The following ZNRF1 variants were observed in gnomAD, a reference collection of about 807,000 sequenced individuals.
The protein encoded by ZNRF1 is E3 ubiquitin-protein ligase ZNRF1.
In ZNRF1, 3 loss-of-function variants were observed where a neutral mutation model predicts 18.4. That is an observed-to-expected ratio of 0.16 (90% CI 0.07 to 0.42). The LOEUF is 0.42. Ranked by LOEUF, ZNRF1 falls within the 10% of genes least tolerant of loss-of-function variation. The probability of loss-of-function intolerance (pLI) is 0.99; values close to 1 mark genes in which losing one functional copy is unlikely to be tolerated. For synonymous variants in ZNRF1, 157 were observed against 144.2 expected (o/e 1.09, Z -0.64); for missense variants, 310 against 329.8 (o/e 0.94, Z 0.47).
At chr16:75,052,481 G>C (rs1028221454) in intron 1 of ZNRF1, among the ~76,000 whole-genome samples, 1 of 151,956 alleles carries the variant, frequency 6.6e-6, no homozygotes. Flanking sequence ...ACTCATAGTT[G>C]GGTCCAAACA....
intron 1 of ZNRF1, among the ~76,000 whole-genome samples, chr16:75,061,045 A>G (rs1306304138): frequency 6.6e-6 from 1 of 152,202 alleles, no homozygotes; most frequent in Non-Finnish European, 1.5e-5. Flanking sequence ...GTAGGTATGC[A>G]TTTTTATGGG....
At chr16:75,013,562 G>T (rs2035027588) in intron 1 of ZNRF1, among the ~76,000 whole-genome samples, 2 of 152,144 alleles carry the variant, frequency 1.3e-5, no homozygotes, top group South Asian at 4.1e-4. Flanking sequence ...AGCCAGGATG[G>T]TCTCAATCTG....
intron 1 of ZNRF1, among the ~76,000 whole-genome samples, chr16:75,039,320 TA>T (rs1376513568): frequency 1.3e-5 from 2 of 152,168 alleles, no homozygotes; most frequent in East Asian, 3.8e-4. Flanking sequence ...ATACTGTGAA[TA>T]AATATAAGTT....
At chr16:75,006,399 C>A (rs2034917419) in intron 1 of ZNRF1, among the ~76,000 whole-genome samples, 1 of 152,064 alleles carries the variant, frequency 6.6e-6, no homozygotes, top group Non-Finnish European at 1.5e-5. Context: ...TTGAAGTTAG[C>A]CCAAAACCTA....
At position 74,999,920 on chromosome 16, in the gene ZNRF1, G is replaced by C. The variant is rs372810320; in HGVS notation, c.249G>C (p.Glu83Asp). The stretch of plus-strand genomic sequence containing the variant: ...CCTCCCGGGGCACCGGCGACTCCGA[G>C]AGGGCGCCCGGCGGCGGAGGGTCTG... ...TPASRGTGDS[E>D]RAPGGGGSAS... The change falls in exon 1 of 5, where the codon GAG (glutamate) becomes GAC (aspartate). Residue 83 changes from glutamate (E) to aspartate (D), a missense_variant. Coordinates refer to ENST00000335325, the MANE Select transcript of ZNRF1 (RefSeq NM_032268.5). 212 of 1,557,396 alleles carry C rather than the reference G, an allele frequency of 1.4e-4. No homozygotes were observed. The highest frequency in any genetic ancestry group is 3.5e-5 in the Non-Finnish European group (40 of 1,153,112).
Position 74,999,863 on chromosome 16 carries a change from C to G in ZNRF1, c.192C>G (p.Ala64=), listed in dbSNP as rs2034815470. Residue 64 remains alanine (A), a synonymous_variant, in exon 1 of 5, where the codon GCC becomes GCG. Transcript: ENST00000335325. ...GCATGGGCATGGACCCCAGCACGGC[C>G]GGGGGGGTGCCCTTTGGCCTCTACA... The part of the protein sequence containing the change: ...VAGMGMDPST[A]GGVPFGLYTP... 1 of 1,517,336 alleles carries G rather than the reference C, an allele frequency of 6.6e-7. No individual in the cohort carries two copies. The highest frequency in any genetic ancestry group is 8.8e-7 in the Non-Finnish European group (1 of 1,136,600). 94.0% of individuals were successfully genotyped at this position (1,517,336 alleles called of 1,614,324 possible).
At chr16:75,099,486 A>G (rs979301061) in intron 2 of ZNRF1, among the ~76,000 whole-genome samples, 3 of 151,926 alleles carry the variant, frequency 2.0e-5, no homozygotes, top group African/African-American at 7.3e-5. Context: ...GGTTAGAGGG[A>G]CAGGCACTGA....
At chr16:75,105,658 G>A (rs2036306793) in intron 3 of ZNRF1, 1 of 152,326 alleles carries the variant, frequency 6.6e-6, no homozygotes, top group African/African-American at 2.4e-5. Context: ...GAGATTCTTG[G>A]TCTAGCTCCC....
intron 1 of ZNRF1, among the ~76,000 whole-genome samples, chr16:75,057,547 T>A (rs753257700): frequency 6.6e-6 from 1 of 152,238 alleles, no homozygotes; most frequent in South Asian, 2.1e-4. Flanking sequence ...AAGGGATTCA[T>A]CTTCCCTGGC....
At chr16:75,027,349 G>A (rs1383243193) in intron 1 of ZNRF1, among the ~76,000 whole-genome samples, 1 of 152,170 alleles carries the variant, frequency 6.6e-6, no homozygotes, top group East Asian at 1.9e-4. Context: ...AATCAGTTTG[G>A]CCATCAAAAA....
At position 75,110,042 on chromosome 16, in the gene ZNRF1, A is replaced by T. The variant is rs1388454251; in HGVS notation, c.*2342A>T. On this transcript the variant is annotated 3_prime_UTR_variant, in exon 5 of 5. Coordinates refer to ENST00000335325, the MANE Select transcript of ZNRF1 (RefSeq NM_032268.5). Reference sequence around the variant, plus strand: ...TTAAGCCTGCTGCTTTGGCAGTGCCATGGGTGAGCCGAGCAGCTGTGAGGT... The same window carrying T: ...TTAAGCCTGCTGCTTTGGCAGTGCCTTGGGTGAGCCGAGCAGCTGTGAGGT... The T allele has an allele frequency of 1.3e-5, 2 of 152,442 alleles. No individual in the cohort carries two copies. Among genetic ancestry groups the T allele is most frequent in the Non-Finnish European group, 2.9e-5 (2 of 68,188 alleles). 9.4% of individuals were successfully genotyped at this position (152,442 alleles called of 1,614,324 possible). A position where few individuals can be genotyped will look rare whatever the true frequency, so the allele number is the denominator to read the frequency against.
intron 1 of ZNRF1, among the ~76,000 whole-genome samples, chr16:75,033,610 T>C (rs964060899): frequency 6.6e-6 from 1 of 152,130 alleles, no homozygotes; most frequent in African/African-American, 2.4e-5. Context: ...CTAATTTTTG[T>C]ATTTTTGGTA....
At chr16:75,063,045 C>A (rs1191837176) in intron 1 of ZNRF1, among the ~76,000 whole-genome samples, 9 of 152,168 alleles carry the variant, frequency 5.9e-5, no homozygotes, top group Non-Finnish European at 1.2e-4. Context: ...TCTAACTTTT[C>A]AGAGGCTTTA....
intron 1 of ZNRF1, among the ~76,000 whole-genome samples, chr16:75,082,791 T>G (rs2036028715): frequency 6.6e-6 from 1 of 152,192 alleles, no homozygotes; most frequent in Admixed American, 6.5e-5. Context: ...TGAGATCAAG[T>G]GATCTACCTG....
At chr16:75,065,782 A>G (rs914160733) in intron 1 of ZNRF1, among the ~76,000 whole-genome samples, 3 of 152,310 alleles carry the variant, frequency 2.0e-5, no homozygotes, top group South Asian at 2.1e-4. Flanking sequence ...ACAAGTCAGT[A>G]TATCGAAGTT....
At chr16:75,102,852 T>C (rs913823854) in intron 2 of ZNRF1, among the ~76,000 whole-genome samples, 1 of 152,234 alleles carries the variant, frequency 6.6e-6, no homozygotes, top group East Asian at 1.9e-4. Context: ...GCACCTGCTG[T>C]GTGTCCCGCT....
At chr16:75,001,393 A>G (rs1274016203) in intron 1 of ZNRF1, among the ~76,000 whole-genome samples, 1 of 148,748 alleles carries the variant, frequency 6.7e-6, no homozygotes, top group Non-Finnish European at 1.5e-5. Flanking sequence ...ATTTAGGGTA[A>G]CACTTAGAAG....
chr16:75,033,337 A>G (rs141032221), intron 1 of ZNRF1, among the ~76,000 whole-genome samples: 1 of 151,910 alleles, frequency 6.6e-6, no homozygotes, highest in African/African-American at 2.4e-5. Flanking sequence ...AAATTGAGGA[A>G]AGTTAACATC....
chr16:75,041,531 A>G (rs1382467822), intron 1 of ZNRF1, among the ~76,000 whole-genome samples: 4 of 151,310 alleles, frequency 2.6e-5, no homozygotes. Flanking sequence ...GGGTTTCACC[A>G]TGTTGGCCAG....
Sources: allele counts gnomAD v4.1 joint callset (sites outside exome capture counted in the v4.1 genomes callset), GRCh38; gene constraint gnomAD v4.1.1; transcripts MANE v1.5; gene names NCBI Gene and HGNC (gene_info 2026-07-23, HGNC 2026-07-21).